Variants in PELI2 observed in about 807,000 individuals in gnomAD.
PELI2 encodes E3 ubiquitin-protein ligase pellino homolog 2.
In PELI2, 23 loss-of-function variants were observed where a neutral mutation model predicts 42.3. That is an observed-to-expected ratio of 0.54 (90% CI 0.39 to 0.77). The LOEUF is 0.77. Among genes scored for constraint, PELI2 ranks in the 30% least tolerant of loss-of-function variants. The probability of loss-of-function intolerance (pLI) is 0.00; values close to 1 mark genes in which losing one functional copy is unlikely to be tolerated. For missense variants in PELI2, 463 were observed against 553.2 expected (o/e 0.84, Z 1.64); for synonymous variants, 245 against 212.2 (o/e 1.15, Z -1.34).
chr14:56,208,751 G>T (rs1886609377), intron 2 of PELI2, among the ~76,000 whole-genome samples: 1 of 152,138 alleles, frequency 6.6e-6, no homozygotes, highest in Non-Finnish European at 1.5e-5. Context: ...AAGCATGATG[G>T]TTATCTCTAA....
rs192971353 is a variant in PELI2, at chr14:56,192,441, C to T, written c.207+13977C>T. Among the ~76,000 whole-genome samples, 21 of 152,266 alleles carry T rather than the reference C, an allele frequency of 1.4e-4. No individual in the cohort carries two copies. In the East Asian group the frequency reaches 2.5e-3, roughly 18 times the overall value. On this transcript the variant is annotated intron_variant, in intron 2 of 5. Coordinates refer to ENST00000267460, the MANE Select transcript of PELI2 (RefSeq NM_021255.3). ...GCCAGATAATCTTTGTTGTGGGGCC[C>T]GTGCTGTGCCTTTTAGGATGTTTAG...
intron 1 of PELI2, among the ~76,000 whole-genome samples, chr14:56,131,624 C>G (rs748740897): frequency 3.9e-5 from 6 of 152,168 alleles, no homozygotes; most frequent in African/African-American, 1.4e-4. Flanking sequence ...GAATTATTGT[C>G]TTATCATGGT....
chr14:56,260,188 T>TCCCCAGATATATAC (rs1888662623), intron 2 of PELI2, among the ~76,000 whole-genome samples: 1 of 152,014 alleles, frequency 6.6e-6, no homozygotes, highest in Non-Finnish European at 1.5e-5. Flanking sequence ...AATGTATATA[T>TCCCCAGATATATAC]CCCCAGATAT....
At chr14:56,215,074 T>C (rs11847205) in intron 2 of PELI2, among the ~76,000 whole-genome samples, 61,283 of 152,134 alleles carry the variant, frequency 0.4, 13,078 homozygotes, top group South Asian at 0.53. Flanking sequence ...CTCTAAGATG[T>C]TGGCATATGT....
At chr14:56,182,225 G>A (rs1193418370) in intron 2 of PELI2, among the ~76,000 whole-genome samples, 1 of 152,208 alleles carries the variant, frequency 6.6e-6, no homozygotes, top group African/African-American at 2.4e-5. Flanking sequence ...GACCAAAAAA[G>A]CAGAGATCCA....
At chr14:56,238,802 A>G (rs1221682971) in intron 2 of PELI2, among the ~76,000 whole-genome samples, 1 of 152,186 alleles carries the variant, frequency 6.6e-6, no homozygotes, top group African/African-American at 2.4e-5. Context: ...TTTGACAGAG[A>G]TGTTTAACCA....
chr14:56,211,801 T>G (rs1380631603), intron 2 of PELI2, among the ~76,000 whole-genome samples: 1 of 124,410 alleles, frequency 8.0e-6, no homozygotes, highest in Admixed American at 8.7e-5. Flanking sequence ...TTTAAAAGGC[T>G]CTTTTTTTTT....
intron 1 of PELI2, among the ~76,000 whole-genome samples, chr14:56,145,360 T>G (rs1419108752): frequency 6.6e-6 from 1 of 152,212 alleles, no homozygotes; most frequent in African/African-American, 2.4e-5. Context: ...CACTGGGGAT[T>G]ACAATTCAGC....
chr14:56,176,681 A>G lies in PELI2; in HGVS notation c.78-1654A>G, dbSNP rs372619364. ...CCGTAGCTTGGAACTCTGAACACAC[A>G]TTCAAGTGCATCTACCATACAGGGT... On this transcript the variant is annotated intron_variant, in intron 1 of 5. Transcript: ENST00000267460. Among the ~76,000 whole-genome samples, 21 of 152,282 alleles carry G rather than the reference A, an allele frequency of 1.4e-4. 1 individual carries two copies. Among genetic ancestry groups the G allele is most frequent in the Admixed American group, 8.5e-4 (13 of 15,302 alleles).
At chr14:56,277,748 A>G (rs1292152042) in intron 2 of PELI2, among the ~76,000 whole-genome samples, 1 of 152,116 alleles carries the variant, frequency 6.6e-6, no homozygotes, top group African/African-American at 2.4e-5. Flanking sequence ...TGGGAGAAAT[A>G]CTTAAATGTT....
intron 2 of PELI2, among the ~76,000 whole-genome samples, chr14:56,221,376 G>T (rs1181852738): frequency 6.6e-6 from 1 of 152,200 alleles, no homozygotes; most frequent in African/African-American, 2.4e-5. Context: ...CCAAGGATTT[G>T]CCTGCCAGCT....
At chr14:56,292,740 T>G (rs1201851068) in intron 5 of PELI2, 1 of 974,064 alleles carries the variant, frequency 1.0e-6, no homozygotes, top group African/African-American at 1.8e-5. Flanking sequence ...ACCTCAGAAC[T>G]GTGTACTAAT....
intron 2 of PELI2, among the ~76,000 whole-genome samples, chr14:56,187,121 A>G (rs1188615589): frequency 6.6e-6 from 1 of 152,218 alleles, no homozygotes; most frequent in African/African-American, 2.4e-5. Context: ...TGCGCTACCC[A>G]GGACCCAAGA....
chr14:56,139,126 C>A lies in PELI2; in HGVS notation c.77+20389C>A, dbSNP rs182499201. 3.3e-5 allele frequency among the ~76,000 whole-genome samples: 5 copies of A among 152,264 alleles called. No homozygotes were observed. In the East Asian group the frequency reaches 9.7e-4, roughly 29 times the overall value. ...AACAATGTGCCTTGCTTCTCGCACA[C>A]CCTAAATGATAGGGCATTACATACC... On this transcript the variant is annotated intron_variant, in intron 1 of 5. Coordinates refer to ENST00000267460, the MANE Select transcript of PELI2 (RefSeq NM_021255.3).
At chr14:56,264,541 G>T (rs1367776541) in intron 2 of PELI2, among the ~76,000 whole-genome samples, 2 of 152,140 alleles carry the variant, frequency 1.3e-5, no homozygotes, top group African/African-American at 2.4e-5. Context: ...TAAATGATGG[G>T]AAAGTGGCGA....
At chr14:56,139,377 G>C (rs1057084447) in intron 1 of PELI2, among the ~76,000 whole-genome samples, 12 of 152,102 alleles carry the variant, frequency 7.9e-5, no homozygotes, top group Non-Finnish European at 1.2e-4. Flanking sequence ...TATGAAAATT[G>C]ATTGATTTTT....
intron 2 of PELI2, among the ~76,000 whole-genome samples, chr14:56,254,249 A>T (rs1888448785): frequency 6.6e-6 from 1 of 152,160 alleles, no homozygotes; most frequent in South Asian, 2.1e-4. Context: ...ATATACAAAA[A>T]TTAGCTGGGC....
chr14:56,225,612 T>A (rs1281061164), intron 2 of PELI2, among the ~76,000 whole-genome samples: 2 of 152,114 alleles, frequency 1.3e-5, no homozygotes, highest in Non-Finnish European at 2.9e-5. Flanking sequence ...AGGGCTGCAG[T>A]GAGGGAAGGG....
chr14:56,275,796 C>G (rs1025068308), intron 2 of PELI2, among the ~76,000 whole-genome samples: 7 of 152,176 alleles, frequency 4.6e-5, no homozygotes, highest in African/African-American at 1.7e-4. Context: ...CTGGTGTACA[C>G]AGCAAGCTGC....
Sources: gnomAD v4.1 joint callset for allele counts (sites outside exome capture counted in the v4.1 genomes callset) on GRCh38, gnomAD v4.1.1 for gene constraint, MANE v1.5 for transcripts, NCBI Gene and HGNC (gene_info 2026-07-23, HGNC 2026-07-21) for gene names.